CCDC30: variants seen among roughly 807,000 people sequenced by gnomAD.
The protein encoded by CCDC30 is coiled-coil domain containing 30.
CCDC30 carries 70 observed loss-of-function variants against 100.2 expected under a neutral mutation model. The ratio of observed to expected loss-of-function variants is 0.70; its 90% confidence interval spans 0.58 to 0.85. The LOEUF is 0.85. Ranked by LOEUF, CCDC30 falls within the 40% of genes least tolerant of loss-of-function variation. CCDC30 has a pLI of 0.00. For missense variants in CCDC30, 652 were observed against 771.2 expected (o/e 0.85, Z 1.83); for synonymous variants, 233 against 269.5 (o/e 0.86, Z 1.33).
At chr1:42,591,896 T>C (rs1646194045) in intron 10 of CCDC30, 1 of 152,318 alleles carries the variant, frequency 6.6e-6, no homozygotes, top group Admixed American at 6.5e-5. Context: ...GTGCCCTGGA[T>C]GTGGGACATG....
chr1:42,511,493 TA>T (rs1434890414), intron 6 of CCDC30, among the ~76,000 whole-genome samples: 2 of 152,154 alleles, frequency 1.3e-5, no homozygotes, highest in Admixed American at 6.6e-5. Flanking sequence ...CCTTACTATT[TA>T]AGTACTGTTC....
intron 11 of CCDC30, among the ~76,000 whole-genome samples, chr1:42,622,247 T>C (rs963410035): frequency 6.6e-6 from 1 of 152,214 alleles, no homozygotes; most frequent in African/African-American, 2.4e-5. Context: ...GTTCCATCCA[T>C]GTATTGCAAA....
intron 4 of CCDC30, among the ~76,000 whole-genome samples, chr1:42,495,196 G>A (rs1193867185): frequency 6.6e-6 from 1 of 151,378 alleles, no homozygotes; most frequent in East Asian, 2.0e-4. Context: ...ATGAGTTCAT[G>A]TCCTTTGTAG....
At position 42,551,506 on chromosome 1, in the gene CCDC30, G is replaced by A. The variant is rs112506637; in HGVS notation, c.457-14790G>A. 6.3e-3 allele frequency among the ~76,000 whole-genome samples: 956 copies of A among 152,134 alleles called. 6 individuals are homozygous for A. Among genetic ancestry groups the A allele is most frequent in the African/African-American group, 0.021 (890 of 41,500 alleles). Reference sequence around the variant, plus strand: ...ATTTGAGAGTCATGGTGGGTTTTCCGGTTTTTAAGATGCAGACGTGCTGGC... The same window carrying A: ...ATTTGAGAGTCATGGTGGGTTTTCCAGTTTTTAAGATGCAGACGTGCTGGC... On this transcript the variant is annotated intron_variant, in intron 6 of 16. Coordinates refer to ENST00000668663, the Ensembl canonical transcript of CCDC30.
chr1:42,549,046 C>T (rs115902903), intron 6 of CCDC30, among the ~76,000 whole-genome samples: 3,257 of 152,256 alleles, frequency 0.021, 46 homozygotes, highest in Non-Finnish European at 0.032. Flanking sequence ...GAAGGACCTT[C>T]AGGAGATCTT....
At chr1:42,481,982 G>T (rs961581640) in intron 2 of CCDC30, among the ~76,000 whole-genome samples, 6 of 152,080 alleles carry the variant, frequency 3.9e-5, no homozygotes, top group African/African-American at 1.4e-4. Context: ...ACTTTGGAAG[G>T]CCCAGGTGGG....
chr1:42,634,479 T>G (rs1331674912), intron 11 of CCDC30, among the ~76,000 whole-genome samples: 2 of 152,042 alleles, frequency 1.3e-5, no homozygotes, highest in Non-Finnish European at 2.9e-5. Flanking sequence ...TTGTTTAGAG[T>G]TATTTGGTGT....
intron 11 of CCDC30, among the ~76,000 whole-genome samples, chr1:42,616,269 G>C (rs1646725525): frequency 1.3e-5 from 2 of 152,104 alleles, no homozygotes. Flanking sequence ...CACATTATTT[G>C]TACACAGCCT....
chr1:42,610,756 C>T (rs1004232806), intron 10 of CCDC30, among the ~76,000 whole-genome samples: 2 of 152,006 alleles, frequency 1.3e-5, no homozygotes, highest in Non-Finnish European at 2.9e-5. Context: ...GAATTAGATG[C>T]TTACAAAATT....
At chr1:42,482,569 A>T in intron 2 of CCDC30, 94 bp from the exon 3 acceptor site, 1 of 705,858 alleles carries the variant, frequency 1.4e-6, no homozygotes, top group Non-Finnish European at 2.0e-6. Context: ...ATTGTTTGCT[A>T]ATTTATTGGC....
At chr1:42,611,204 C>T in intron 11 of CCDC30, 114 bp downstream of exon 15, 2 of 559,302 alleles carry the variant, frequency 3.6e-6, no homozygotes, top group South Asian at 2.9e-5. Flanking sequence ...TTCAAGAGGG[C>T]CATCATAAAA....
At chr1:42,577,638 T>C (rs1645868736) in intron 8 of CCDC30, among the ~76,000 whole-genome samples, 2 of 152,056 alleles carry the variant, frequency 1.3e-5, no homozygotes, top group African/African-American at 4.8e-5. Flanking sequence ...TTTATTTTTA[T>C]TTATTTATTT....
downstream of CCDC30, among the ~76,000 whole-genome samples, chr1:42,655,798 C>G (rs1478387821): frequency 6.6e-6 from 1 of 151,396 alleles, no homozygotes; most frequent in Non-Finnish European, 1.5e-5. Flanking sequence ...CAGTACTGCT[C>G]AGTATCTCTG....
chr1:42,614,172 C>CT (rs1327328944), intron 11 of CCDC30, among the ~76,000 whole-genome samples: 1 of 151,316 alleles, frequency 6.6e-6, no homozygotes, highest in African/African-American at 2.4e-5. Flanking sequence ...GCTCCACCTC[C>CT]TGGGTTCACG....
At chr1:42,585,515 C>G (rs1291285237) in intron 9 of CCDC30, among the ~76,000 whole-genome samples, 1 of 151,982 alleles carries the variant, frequency 6.6e-6, no homozygotes, top group East Asian at 1.9e-4. Context: ...TGATTTTTCT[C>G]TATTGTTTTC....
At chr1:42,653,908 C>T (rs1015195051) in exon 17 of CCDC30, 2 of 1,613,848 alleles carry the variant, frequency 1.2e-6, no homozygotes, top group African/African-American at 1.3e-5. Flanking sequence ...GTTCAAAGTC[C>T]CCTGAAAAGT....
At chr1:42,585,542 T>G (rs889567083) in intron 9 of CCDC30, among the ~76,000 whole-genome samples, 1 of 152,114 alleles carries the variant, frequency 6.6e-6, no homozygotes, top group Non-Finnish European at 1.5e-5. Context: ...TCAATCCCAT[T>G]GATTAATACT....
chr1:42,615,285 A>C (rs72959654), intron 11 of CCDC30, among the ~76,000 whole-genome samples: 2,290 of 152,150 alleles, frequency 0.015, 52 homozygotes, highest in African/African-American at 0.051. Flanking sequence ...CATCTTAAGC[A>C]ACTCCTTTGG....
At chr1:42,514,791 T>G (rs1364748239) in intron 6 of CCDC30, among the ~76,000 whole-genome samples, 1 of 152,080 alleles carries the variant, frequency 6.6e-6, no homozygotes, top group African/African-American at 2.4e-5. Context: ...GTAGCTGAGA[T>G]TATAGGCACC....
Sources: allele counts gnomAD v4.1 joint callset (sites outside exome capture counted in the v4.1 genomes callset), GRCh38; gene constraint gnomAD v4.1.1; transcripts MANE v1.5; gene names NCBI Gene and HGNC (gene_info 2026-07-23, HGNC 2026-07-21).